MRTFA: variants seen among roughly 807,000 people sequenced by gnomAD.
The protein encoded by MRTFA is myocardin related transcription factor A.
A neutral mutation model predicts 83.5 loss-of-function variants in MRTFA; 20 were observed. The observed-to-expected ratio is 0.24, with a 90% CI of 0.17 to 0.35. The LOEUF (loss-of-function observed/expected upper bound fraction) is 0.35, where lower values mean the gene tolerates loss of function less well. Among genes scored for constraint, MRTFA ranks in the 10% least tolerant of loss-of-function variants. The probability of loss-of-function intolerance (pLI) is 1.00; values close to 1 mark genes in which losing one functional copy is unlikely to be tolerated. For synonymous variants in MRTFA, 659 were observed against 541.2 expected, an observed-to-expected ratio of 1.22 and a Z score of -3.02; for missense variants, 1,200 against 1,224.7, an observed-to-expected ratio of 0.98 and a Z score of 0.30.
intron 3 of MRTFA, among the ~76,000 whole-genome samples, chr22:40,551,353 CTTAT>C (rs529878942): frequency 6.6e-5 from 10 of 151,950 alleles, no homozygotes; most frequent in Non-Finnish European, 1.3e-4. Flanking sequence ...AATTTATTCA[CTTAT>C]TTATTATTTG....
intron 1 of MRTFA, among the ~76,000 whole-genome samples, chr22:40,630,260 G>C (rs937925250): frequency 1.3e-5 from 2 of 152,072 alleles, no homozygotes; most frequent in Non-Finnish European, 2.9e-5. Flanking sequence ...CAGTTGCAGT[G>C]AGCCATGATC....
intron 6 of MRTFA, 132 bp from the exon 7 acceptor site, chr22:40,429,899 AGAG>A: frequency 1.1e-6 from 1 of 933,544 alleles, no homozygotes; most frequent in South Asian, 1.7e-5. Context: ...TATTCCAAGC[AGAG>A]AAGAGTGGCC....
chr22:40,584,979 A>AGGTT (rs1477001055), intron 2 of MRTFA, among the ~76,000 whole-genome samples: 1 of 152,162 alleles, frequency 6.6e-6, no homozygotes, highest in African/African-American at 2.4e-5. Context: ...TGGGAGGTGG[A>AGGTT]GGTTGCAGTG....
chr22:40,430,486 C>CAAA (rs879586485), intron 6 of MRTFA, among the ~76,000 whole-genome samples: 12 of 145,184 alleles, frequency 8.3e-5, no homozygotes, highest in Non-Finnish European at 1.2e-4. Context: ...GACTCCATCT[C>CAAA]AAAAAAAAAA....
chr22:40,456,666 A>C (rs981652416), intron 4 of MRTFA, among the ~76,000 whole-genome samples: 1 of 152,126 alleles, frequency 6.6e-6, no homozygotes, highest in Admixed American at 6.5e-5. Context: ...CAGCCTGGAT[A>C]ACAGAACCAG....
intron 2 of MRTFA, among the ~76,000 whole-genome samples, chr22:40,572,412 C>G (rs987027527): frequency 6.6e-6 from 1 of 151,836 alleles, no homozygotes; most frequent in African/African-American, 2.4e-5. Context: ...GAGTTCAAGG[C>G]TACAGTTTGC....
intron 2 of MRTFA, among the ~76,000 whole-genome samples, chr22:40,560,045 G>T (rs1193755997): frequency 6.6e-6 from 1 of 151,910 alleles, no homozygotes; most frequent in Non-Finnish European, 1.5e-5. Flanking sequence ...GTTAATTTAG[G>T]GGATTTCAAA....
At chr22:40,551,076 C>A (rs901708075) in intron 3 of MRTFA, among the ~76,000 whole-genome samples, 16 of 61,226 alleles carry the variant, frequency 2.6e-4, no homozygotes, top group African/African-American at 1.1e-3. Context: ...GTCTCGAACT[C>A]CCGACCTCAG....
chr22:40,540,868 T>C (rs1453747834), intron 3 of MRTFA, among the ~76,000 whole-genome samples: 1 of 151,556 alleles, frequency 6.6e-6, no homozygotes, highest in African/African-American at 2.4e-5. Flanking sequence ...CATGACAGCA[T>C]TCATAAATGT....
chr22:40,608,562 C>T (rs996750845), intron 1 of MRTFA, among the ~76,000 whole-genome samples: 9 of 152,182 alleles, frequency 5.9e-5, no homozygotes, highest in Non-Finnish European at 1.3e-4. Context: ...GAGGGAGGCA[C>T]TATCAAATCC....
chr22:40,442,935 T>G (rs1416862634), intron 4 of MRTFA, among the ~76,000 whole-genome samples: 2 of 152,080 alleles, frequency 1.3e-5, no homozygotes, highest in Non-Finnish European at 2.9e-5. Context: ...GCTAGAAGAA[T>G]AAGCTGGGCC....
intron 1 of MRTFA, among the ~76,000 whole-genome samples, chr22:40,618,372 G>A (rs866878217): frequency 1.3e-5 from 2 of 151,234 alleles, no homozygotes; most frequent in Admixed American, 1.3e-4. Flanking sequence ...TTACAGGCAT[G>A]AGCCACCAGG....
chr22:40,416,924 G>A lies in MRTFA; in HGVS notation c.2578+62C>T, dbSNP rs2052692260. 8 of 1,488,674 alleles carry A rather than the reference G, an allele frequency of 5.4e-6. No individual in the cohort carries two copies. In the Admixed American group the frequency reaches 1.2e-4, roughly 22 times the overall value. The allele number at this position is 1,488,674 out of a possible 1,614,324, so 92.2% of individuals were successfully genotyped here. On this transcript the variant is annotated intron_variant, in intron 14 of 14. Transcript: ENST00000355630. The surrounding 1 kb of genome is among the most constrained non-coding windows in gnomAD (Gnocchi z 4.2). ...CATTCAATAAAAACAAACCAACCCA[G>A]GGCTAGAGACACCTATGAACAGAGA... is the stretch of plus-strand genomic sequence containing the variant.
At chr22:40,596,240 G>A (rs2056190637) in intron 1 of MRTFA, among the ~76,000 whole-genome samples, 1 of 152,126 alleles carries the variant, frequency 6.6e-6, no homozygotes, top group South Asian at 2.1e-4. Flanking sequence ...TACAACTGAG[G>A]CTGAGTGCCG....
At chr22:40,445,644 G>A (rs901615376) in intron 4 of MRTFA, among the ~76,000 whole-genome samples, 1 of 152,110 alleles carries the variant, frequency 6.6e-6, no homozygotes, top group Non-Finnish European at 1.5e-5. Flanking sequence ...CACCTCCTGG[G>A]ATCAAGCCAT....
chr22:40,544,794 A>C (rs1318041912), intron 3 of MRTFA, among the ~76,000 whole-genome samples: 1 of 152,112 alleles, frequency 6.6e-6, no homozygotes, highest in African/African-American at 2.4e-5. Context: ...AAACTGAGCC[A>C]GGCATGGTGG....
intron 3 of MRTFA, among the ~76,000 whole-genome samples, chr22:40,526,963 G>A (rs2054985796): frequency 6.6e-6 from 1 of 151,836 alleles, no homozygotes; most frequent in Non-Finnish European, 1.5e-5. Context: ...ATTGGGGCAG[G>A]GGAGGAGAAA....
rs141598416 is a variant in MRTFA, at chr22:40,580,584, C to G, written c.-22+14090G>C. On this transcript the variant is annotated intron_variant, in intron 2 of 14. Coordinates refer to ENST00000355630, the MANE Select transcript of MRTFA (RefSeq NM_020831.6). ...CCCAAATATAACAATTTATGACATA[C>G]TGCCATATTTGCGTCAGATTTTAAG... is the stretch of plus-strand genomic sequence containing the variant. Among the ~76,000 whole-genome samples the G allele has an allele frequency of 3.2e-3, 491 of 152,302 alleles. 2 individuals carry two copies. Among genetic ancestry groups the G allele is most frequent in the Non-Finnish European group, 5.7e-3 (389 of 68,018 alleles).
intron 1 of MRTFA, among the ~76,000 whole-genome samples, chr22:40,626,732 G>A (rs1433466442): frequency 1.3e-5 from 2 of 152,116 alleles, no homozygotes; most frequent in Non-Finnish European, 2.9e-5. Flanking sequence ...AGGCATAGTG[G>A]CTCATGCCTG....
Sources: allele counts gnomAD v4.1 joint callset (sites outside exome capture counted in the v4.1 genomes callset), GRCh38; gene constraint gnomAD v4.1.1; non-coding constraint Gnocchi (gnomAD v3.1); transcripts MANE v1.5; gene names NCBI Gene and HGNC (gene_info 2026-07-23, HGNC 2026-07-21).